The following SGTB variants were observed in gnomAD, a reference collection of about 807,000 sequenced individuals.
SGTB encodes small glutamine rich tetratricopeptide repeat co-chaperone beta.
Under a neutral mutation model 43.9 loss-of-function variants are expected in SGTB, and 19 were observed. That is an observed-to-expected ratio of 0.43 (90% CI 0.30 to 0.63). SGTB has a LOEUF of 0.63. SGTB is among the 30% of genes least tolerant of loss of function. The probability of loss-of-function intolerance (pLI) is 0.12; values close to 1 mark genes in which losing one functional copy is unlikely to be tolerated. For missense variants in SGTB, 304 were observed against 358.9 expected, an observed-to-expected ratio of 0.85 and a Z score of 1.24; for synonymous variants, 116 against 117.3, an observed-to-expected ratio of 0.99 and a Z score of 0.07.
At chr5:65,675,742 A>C (rs1279748792) in intron 8 of SGTB, among the ~76,000 whole-genome samples, 1 of 152,174 alleles carries the variant, frequency 6.6e-6, no homozygotes, top group Non-Finnish European at 1.5e-5. Context: ...TGGTCAAACT[A>C]AGCTTCATAA....
intron 2 of SGTB, among the ~76,000 whole-genome samples, chr5:65,716,678 G>A (rs1264440098): frequency 6.6e-6 from 1 of 152,170 alleles, no homozygotes; most frequent in East Asian, 1.9e-4. Context: ...AACAGATTTT[G>A]GGTGGGGGAA....
chr5:65,674,431 T>G (rs1757223566), intron 8 of SGTB, among the ~76,000 whole-genome samples: 1 of 152,138 alleles, frequency 6.6e-6, no homozygotes, highest in Non-Finnish European at 1.5e-5. Context: ...TCCACTCTCA[T>G]CAGTACAGTA....
At chr5:65,695,759 C>T (rs1267261367) in intron 5 of SGTB, among the ~76,000 whole-genome samples, 2 of 152,184 alleles carry the variant, frequency 1.3e-5, no homozygotes, top group Non-Finnish European at 2.9e-5. Context: ...TCTATTCCTA[C>T]AATTAAAGAA....
At chr5:65,678,662 A>G (rs377256043) in intron 8 of SGTB, among the ~76,000 whole-genome samples, 134 of 152,182 alleles carry the variant, frequency 8.8e-4, no homozygotes, top group African/African-American at 3.0e-3. Flanking sequence ...AGACCAGTGG[A>G]ACAGAACAGA....
intron 5 of SGTB, among the ~76,000 whole-genome samples, chr5:65,699,306 T>C (rs978424089): frequency 1.3e-5 from 2 of 152,216 alleles, no homozygotes; most frequent in African/African-American, 4.8e-5. Context: ...ATGTTGTGTA[T>C]TCTCACTTAT....
intron 4 of SGTB, among the ~76,000 whole-genome samples, chr5:65,706,527 ATACT>A (rs1461131576): frequency 1.3e-5 from 2 of 152,194 alleles, no homozygotes; most frequent in African/African-American, 4.8e-5. Context: ...AACATATAAA[ATACT>A]TAACATATAA....
At chr5:65,693,344 A>C (rs1458021548) in intron 5 of SGTB, among the ~76,000 whole-genome samples, 1 of 147,176 alleles carries the variant, frequency 6.8e-6, no homozygotes, top group Non-Finnish European at 1.5e-5. Flanking sequence ...GAAGGGAGGG[A>C]AGGAAGGAAG....
At chr5:65,721,818 C>G (rs1415117160) in intron 1 of SGTB, 99 bp downstream of exon 1, 3 of 152,454 alleles carry the variant, frequency 2.0e-5, no homozygotes, top group Non-Finnish European at 2.9e-5. Flanking sequence ...CTCAGGTACC[C>G]GGCCTCGCCT....
intron 2 of SGTB, among the ~76,000 whole-genome samples, chr5:65,719,558 A>G (rs1041482690): frequency 4.6e-5 from 7 of 152,010 alleles, no homozygotes; most frequent in South Asian, 4.2e-4. Flanking sequence ...GTGCCACTAC[A>G]CTCCAGCCTG....
At chr5:65,673,225 A>G (rs1757192271) in intron 8 of SGTB, among the ~76,000 whole-genome samples, 1 of 152,198 alleles carries the variant, frequency 6.6e-6, no homozygotes, top group Non-Finnish European at 1.5e-5. Flanking sequence ...CAGTGTAACA[A>G]TCAAATACAT....
At position 65,666,048 on chromosome 5, in the gene SGTB, A is replaced by G. The variant is rs1211028520; in HGVS notation, c.*4198T>C. On this transcript the variant is annotated 3_prime_UTR_variant, in exon 11 of 11. Transcript: ENST00000381007. ...ATAATTAATGAAATGTCTGTACAAA[A>G]TAAAGTGCAAGCAGTGTAAAATTGA... 6.6e-6 allele frequency: 1 copy of G among 152,594 alleles called. No homozygotes were observed. The highest frequency in any genetic ancestry group is 1.5e-5 in the Non-Finnish European group (1 of 67,986). 9.5% of individuals were successfully genotyped at this position (152,594 alleles called of 1,614,324 possible).
At position 65,675,220 on chromosome 5, in the gene SGTB, G is replaced by A. The variant is rs562898288; in HGVS notation, c.682-2939C>T. ...ATTTTGTTGTTTTGTAAGAATAGAA[G>A]ACAAACACATGAGATATCTATATCT... On this transcript the variant is annotated intron_variant, in intron 8 of 10. Transcript: ENST00000381007. 1.4e-4 allele frequency among the ~76,000 whole-genome samples: 21 copies of A among 152,156 alleles called. No individual in the cohort carries two copies. The South Asian group carries it at 3.9e-3, about 29-fold the overall frequency.
Position 65,685,309 on chromosome 5 carries a change from T to G in SGTB, c.479+59A>C, listed in dbSNP as rs997268093. 2.5e-4 allele frequency: 376 copies of G among 1,481,524 alleles called. 1 individual carries two copies. The highest frequency in any genetic ancestry group is 5.1e-5 in the Non-Finnish European group (54 of 1,064,830). The allele number at this position is 1,481,524 out of a possible 1,614,324, so 91.8% of individuals were successfully genotyped here. ...AAGCAGGAAATTCAAAACCAAGCCA[T>G]TAAGAACAGCATACCTGATGCTACA... On this transcript the variant is annotated intron_variant, in intron 6 of 10. Coordinates refer to ENST00000381007, the MANE Select transcript of SGTB (RefSeq NM_019072.3).
In SGTB at chr5:65,667,570, G is replaced by C. The variant is rs77942292; in HGVS notation, c.*2676C>G. The C allele has an allele frequency of 6.6e-6, 1 of 152,180 alleles. No homozygotes were observed. Among genetic ancestry groups the C allele is most frequent in the African/African-American group, 2.4e-5 (1 of 41,448 alleles). 9.4% of individuals were successfully genotyped at this position (152,180 alleles called of 1,614,324 possible). ...AATATGAATTTAACTTCTGAGGGCCGAAGACTTAAATTGTGCTCTTTTTAA... is the reference window on the plus strand; with the variant it reads ...AATATGAATTTAACTTCTGAGGGCCCAAGACTTAAATTGTGCTCTTTTTAA... On this transcript the variant is annotated 3_prime_UTR_variant, in exon 11 of 11. Coordinates refer to ENST00000381007, the MANE Select transcript of SGTB (RefSeq NM_019072.3).
intron 2 of SGTB, among the ~76,000 whole-genome samples, 171 bp downstream of exon 2, chr5:65,720,537 A>T (rs1364530135): frequency 1.3e-5 from 2 of 152,262 alleles, no homozygotes; most frequent in Admixed American, 6.5e-5. Context: ...TAAAACAAAC[A>T]AAACAAGCTT....
intron 2 of SGTB, among the ~76,000 whole-genome samples, chr5:65,718,344 C>A (rs1758190500): frequency 6.6e-6 from 1 of 152,110 alleles, no homozygotes; most frequent in African/African-American, 2.4e-5. Flanking sequence ...CAAAATCACC[C>A]CCAAGTTGAG....
Position 65,708,838 on chromosome 5 carries a change from C to T in SGTB, c.205-280G>A, listed in dbSNP as rs572065651. 3.3e-5 allele frequency among the ~76,000 whole-genome samples: 5 copies of T among 152,182 alleles called. No individual in the cohort carries two copies. The South Asian group carries it at 8.3e-4, about 25-fold the overall frequency. On this transcript the variant is annotated intron_variant, in intron 3 of 10. Transcript: ENST00000381007. ...GGTGGACAGCTTGAGCTCAGGAGTT[C>T]GAGACCAGCCTGGGCAATATGGTGA...
At chr5:65,711,745 T>TG (rs1364711950) in intron 3 of SGTB, among the ~76,000 whole-genome samples, 1 of 152,232 alleles carries the variant, frequency 6.6e-6, no homozygotes, top group Non-Finnish European at 1.5e-5. Context: ...GTTGCCATCT[T>TG]CATTGCAACT....
At chr5:65,673,503 A>G (rs1160777471) in intron 8 of SGTB, among the ~76,000 whole-genome samples, 2 of 152,220 alleles carry the variant, frequency 1.3e-5, no homozygotes, top group South Asian at 2.1e-4. Context: ...TGAACTGCGC[A>G]TGTGAAGGAC....
Sources: allele counts gnomAD v4.1 joint callset (sites outside exome capture counted in the v4.1 genomes callset), GRCh38; gene constraint gnomAD v4.1.1; transcripts MANE v1.5; gene names NCBI Gene and HGNC (gene_info 2026-07-23, HGNC 2026-07-21).